The following TOMM20 variants were observed in gnomAD, a reference collection of about 807,000 sequenced individuals.
The protein encoded by TOMM20 is translocase of outer mitochondrial membrane 20, also known as mitochondrial import receptor subunit TOM20 homolog.
TOMM20 carries 10 observed loss-of-function variants against 22.1 expected under a neutral mutation model. The observed-to-expected ratio is 0.45, with a 90% CI of 0.28 to 0.77. TOMM20 has a LOEUF of 0.77. Among genes scored for constraint, TOMM20 ranks in the 30% least tolerant of loss-of-function variants. TOMM20 has a pLI of 0.13. For synonymous variants in TOMM20, 55 were observed against 61.4 expected, an observed-to-expected ratio of 0.90 and a Z score of 0.49; for missense variants, 121 against 172.2, an observed-to-expected ratio of 0.70 and a Z score of 1.66.
intron 1 of TOMM20, chr1:235,127,994 G>C: frequency 2.2e-6 from 1 of 460,478 alleles, no homozygotes; most frequent in Non-Finnish European, 4.3e-6. Context: ...TGACCAACAC[G>C]GTGAAACCCC....
At chr1:235,114,613 A>G (rs955207833) in intron 3 of TOMM20, among the ~76,000 whole-genome samples, 1 of 151,650 alleles carries the variant, frequency 6.6e-6, no homozygotes, top group African/African-American at 2.4e-5. Context: ...AATTTTTTGT[A>G]TTTTTAGTAG....
At position 235,110,390 on chromosome 1, in the gene TOMM20, GGTTA is replaced by G. The variant is rs1262516960; in HGVS notation, c.*1670_*1673del. 1 of 152,148 alleles carries G rather than the reference GGTTA, an allele frequency of 6.6e-6. No homozygotes were observed. Among genetic ancestry groups the G allele is most frequent in the Non-Finnish European group, 1.5e-5 (1 of 68,080 alleles). The allele number at this position is 152,148 out of a possible 1,614,324, so 9.4% of individuals were successfully genotyped here. ...GCTGCCTAAGACTTCTTAGCTGCCT[GGTTA>G]GTCACTGACCAATCACCACTACACT... On this transcript the variant is annotated 3_prime_UTR_variant, in exon 5 of 5. Coordinates refer to ENST00000366607, the MANE Select transcript of TOMM20 (RefSeq NM_014765.3).
intron 4 of TOMM20, among the ~76,000 whole-genome samples, chr1:235,113,334 T>C (rs1404852183): frequency 6.6e-6 from 1 of 152,160 alleles, no homozygotes; most frequent in African/African-American, 2.4e-5. Context: ...TTTACACAAG[T>C]GAGTCAGAGG....
intron 4 of TOMM20, among the ~76,000 whole-genome samples, chr1:235,112,907 C>T (rs1211096400): frequency 6.6e-6 from 1 of 152,206 alleles, no homozygotes; most frequent in Non-Finnish European, 1.5e-5. Context: ...TAAATAAAAA[C>T]AATTTAGACA....
chr1:235,119,759 TA>T, intron 3 of TOMM20, 58 bp downstream of exon 3: 1 of 1,187,776 alleles, frequency 8.4e-7, no homozygotes, highest in Non-Finnish European at 1.2e-6. Context: ...CTTATCATTA[TA>T]AATTTCTATC....
At chr1:235,121,865 G>GC (rs1312452241) in intron 2 of TOMM20, among the ~76,000 whole-genome samples, 1 of 152,214 alleles carries the variant, frequency 6.6e-6, no homozygotes, top group Non-Finnish European at 1.5e-5. Context: ...ACTATGTACT[G>GC]CAACAAGGCA....
At chr1:235,113,694 TC>T in intron 4 of TOMM20, 73 bp downstream of exon 4, 1 of 1,496,074 alleles carries the variant, frequency 6.7e-7, no homozygotes, top group Non-Finnish European at 9.0e-7. Flanking sequence ...TTCACTAGGC[TC>T]ATTTTAAAAT....
At chr1:235,117,117 A>G (rs1157140657) in intron 3 of TOMM20, among the ~76,000 whole-genome samples, 1 of 122,682 alleles carries the variant, frequency 8.2e-6, no homozygotes, top group Admixed American at 9.6e-5. Context: ...CCTGGGCGAC[A>G]GAGCGAGACT....
chr1:235,115,787 T>C (rs1325998540), intron 3 of TOMM20, among the ~76,000 whole-genome samples: 1 of 152,184 alleles, frequency 6.6e-6, no homozygotes, highest in Non-Finnish European at 1.5e-5. Context: ...GAATATAAAC[T>C]GCCTCCCTCA....
Position 235,128,648 on chromosome 1 carries a change from T to A in TOMM20, c.68A>T (p.Tyr23Phe). The change falls in exon 1 of 5, where the codon TAC (tyrosine) becomes TTC (phenylalanine). Residue 23 changes from tyrosine (Y) to phenylalanine (F), a missense_variant. Physicochemically the swap from Tyr to Phe is conservative, Grantham distance 22. Coordinates refer to ENST00000366607, the MANE Select transcript of TOMM20 (RefSeq NM_014765.3). ...CGALFIGYCI[Y>F]FDRKRRSDPN... ...GTCACTTCGTCTTTTGCGGTCGAAG[T>A]AGATGCAGTACCCAATGAAAAGGGC... 1 of 1,613,876 alleles carries A rather than the reference T, an allele frequency of 6.2e-7. No individual in the cohort carries two copies. Among genetic ancestry groups the A allele is most frequent in the South Asian group, 1.1e-5 (1 of 91,072 alleles).
chr1:235,127,044 T>C (rs1257375745), intron 1 of TOMM20, among the ~76,000 whole-genome samples: 1 of 152,240 alleles, frequency 6.6e-6, no homozygotes, highest in African/African-American at 2.4e-5. Context: ...TCCATTTGTC[T>C]AAAATGATAG....
intron 1 of TOMM20, among the ~76,000 whole-genome samples, chr1:235,123,792 C>G (rs1660969711): frequency 6.6e-6 from 1 of 152,224 alleles, no homozygotes; most frequent in South Asian, 2.1e-4. Flanking sequence ...ATTCAACCCT[C>G]CATTTGCTTA....
intron 1 of TOMM20, among the ~76,000 whole-genome samples, chr1:235,126,079 A>T (rs1017620063): frequency 1.6e-4 from 24 of 150,274 alleles, no homozygotes; most frequent in Non-Finnish European, 2.7e-4. Flanking sequence ...AGATAGATAG[A>T]TAGATAGATA....
At chr1:235,116,536 CAAA>C (rs560203194) in intron 3 of TOMM20, among the ~76,000 whole-genome samples, 1 of 120,696 alleles carries the variant, frequency 8.3e-6, no homozygotes, top group Non-Finnish European at 1.8e-5. Flanking sequence ...GACTCCATCT[CAAA>C]AAAAAAAAAA....
chr1:235,123,024 T>A (rs1660952654), intron 1 of TOMM20, among the ~76,000 whole-genome samples: 2 of 152,134 alleles, frequency 1.3e-5, no homozygotes, highest in Non-Finnish European at 2.9e-5. Context: ...GCTCCAATAC[T>A]TATTATTAGC....
chr1:235,119,943 G>A (rs1055717669), intron 2 of TOMM20, 44 bp from the exon 3 acceptor site: 1 of 1,330,266 alleles, frequency 7.5e-7, no homozygotes, highest in Admixed American at 1.8e-5. Context: ...ATTATGCCAG[G>A]GGATATAACC....
chr1:235,118,463 G>A (rs1014104234), intron 3 of TOMM20, among the ~76,000 whole-genome samples: 6 of 152,198 alleles, frequency 3.9e-5, no homozygotes, highest in African/African-American at 9.6e-5. Context: ...TGTGATGCCT[G>A]TAGGAGACTT....
intron 1 of TOMM20, among the ~76,000 whole-genome samples, chr1:235,128,207 G>A (rs1298819703): frequency 5.3e-5 from 8 of 152,200 alleles, no homozygotes; most frequent in African/African-American, 1.9e-4. Context: ...ACTGCACTGA[G>A]CATGCGGATT....
chr1:235,125,388 C>G (rs1660994331), intron 1 of TOMM20, among the ~76,000 whole-genome samples: 1 of 151,958 alleles, frequency 6.6e-6, no homozygotes, highest in South Asian at 2.1e-4. Flanking sequence ...CTAAGTTTTT[C>G]TATTTTTTAG....
Sources: allele counts gnomAD v4.1 joint callset (sites outside exome capture counted in the v4.1 genomes callset), GRCh38; gene constraint gnomAD v4.1.1; transcripts MANE v1.5; gene names NCBI Gene and HGNC (gene_info 2026-07-23, HGNC 2026-07-21).